Variants in FANK1 observed in about 807,000 individuals in gnomAD.
FANK1 encodes fibronectin type 3 and ankyrin repeat domains protein 1.
FANK1 carries 44 observed loss-of-function variants against 45.3 expected under a neutral mutation model. That is an observed-to-expected ratio of 0.97 (90% CI 0.76 to 1.25). The LOEUF is 1.25. Ranked by LOEUF, FANK1 falls within the 50% of genes most tolerant of loss-of-function variation. FANK1 has a pLI of 0.00. For missense variants in FANK1, 391 were observed against 424.4 expected (o/e 0.92, Z 0.69); for synonymous variants, 149 against 152.5 (o/e 0.98, Z 0.17).
intron 1 of FANK1, among the ~76,000 whole-genome samples, chr10:125,970,631 G>T (rs1460575422): frequency 6.6e-6 from 1 of 152,180 alleles, no homozygotes; most frequent in Non-Finnish European, 1.5e-5. Context: ...GGGCCAACAC[G>T]GCGAAACCCC....
At chr10:125,997,365 G>T in intron 5 of FANK1, 55 bp from the exon 6 acceptor site, 2 of 1,450,274 alleles carry the variant, frequency 1.4e-6, no homozygotes, top group Admixed American at 1.7e-5. Flanking sequence ...GACTATTGTG[G>T]GTTCTGAGTG....
At chr10:125,900,945 C>T (rs948476133) in intron 1 of FANK1, among the ~76,000 whole-genome samples, 3 of 152,092 alleles carry the variant, frequency 2.0e-5, no homozygotes, top group Non-Finnish European at 4.4e-5. Context: ...CCACTGTGCC[C>T]AGCCTTTTTC....
chr10:125,977,127 T>G (rs958336845), intron 1 of FANK1, among the ~76,000 whole-genome samples: 1 of 152,206 alleles, frequency 6.6e-6, no homozygotes, highest in Non-Finnish European at 1.5e-5. Context: ...TTACAAACTC[T>G]TATTGGAGAA....
chr10:125,982,472 T>A (rs568788202), intron 2 of FANK1, among the ~76,000 whole-genome samples: 26 of 152,258 alleles, frequency 1.7e-4, no homozygotes, highest in African/African-American at 2.4e-5. Flanking sequence ...TGCCTGCGTT[T>A]CTCACAGAAT....
intron 1 of FANK1, among the ~76,000 whole-genome samples, chr10:125,964,614 T>A (rs1466769668): frequency 7.2e-5 from 11 of 152,356 alleles, no homozygotes; most frequent in Non-Finnish European, 4.4e-5. Context: ...TTAACTGCTA[T>A]ATGGTATGCT....
intron 1 of FANK1, among the ~76,000 whole-genome samples, chr10:125,950,314 T>A (rs1444573815): frequency 6.7e-6 from 1 of 149,136 alleles, no homozygotes; most frequent in Non-Finnish European, 1.5e-5. Flanking sequence ...GAAACTACCA[T>A]CAGAGTGAAC....
chr10:126,009,387 A>T lies in FANK1; in HGVS notation c.987A>T (p.Leu329Phe). 2 of 1,613,966 alleles carry T rather than the reference A, an allele frequency of 1.2e-6. No homozygotes were observed. Among genetic ancestry groups the T allele is most frequent in the Non-Finnish European group, 1.7e-6 (2 of 1,179,982 alleles). Residue 329 changes from leucine (L) to phenylalanine (F), a missense_variant, in exon 11 of 11, where the codon TTA becomes TTT. Physicochemically the swap from Leu to Phe is conservative, Grantham distance 22 (BLOSUM62 0). Coordinates refer to ENST00000368693, the MANE Select transcript of FANK1 (RefSeq NM_145235.5). ...RVFDRQSVVS[L>F]LEERKKKQRP... ...TGTTTATCTAGAGTGTAGTCTCCTT[A>T]TTAGAAGAAAGGAAAAAAAAGCAGA...
At chr10:125,911,690 C>T (rs1946024880) in intron 1 of FANK1, among the ~76,000 whole-genome samples, 1 of 152,218 alleles carries the variant, frequency 6.6e-6, no homozygotes, top group Non-Finnish European at 1.5e-5. Flanking sequence ...CTCCTCAACT[C>T]AATGTGTTAC....
At chr10:126,006,870 A>G (rs1189328051) in intron 7 of FANK1, among the ~76,000 whole-genome samples, 1 of 152,082 alleles carries the variant, frequency 6.6e-6, no homozygotes, top group East Asian at 1.9e-4. Flanking sequence ...AAATAAATAA[A>G]TCATTCACAA....
intron 7 of FANK1, among the ~76,000 whole-genome samples, chr10:126,005,411 G>A (rs1438184069): frequency 6.6e-6 from 1 of 151,224 alleles, no homozygotes; most frequent in African/African-American, 2.4e-5. Flanking sequence ...AGGTTCAAGC[G>A]ATTCTCCTGC....
At chr10:125,970,100 C>T (rs1371525678) in intron 1 of FANK1, among the ~76,000 whole-genome samples, 17 of 152,190 alleles carry the variant, frequency 1.1e-4, no homozygotes, top group East Asian at 7.7e-4. Flanking sequence ...TCGACAAAAC[C>T]GCCATCGTCA....
At chr10:125,919,969 G>C (rs1358729572) in intron 1 of FANK1, among the ~76,000 whole-genome samples, 1 of 152,184 alleles carries the variant, frequency 6.6e-6, no homozygotes, top group African/African-American at 2.4e-5. Flanking sequence ...ATGATGAGTA[G>C]AAGATAGGTT....
chr10:125,897,153 G>A (rs562403015), intron 1 of FANK1, among the ~76,000 whole-genome samples: 271 of 13,212 alleles, frequency 0.021, no homozygotes, highest in African/African-American at 0.048. Flanking sequence ...GCGACTTGAA[G>A]GAGAGAGAGA....
intron 1 of FANK1, among the ~76,000 whole-genome samples, chr10:125,950,094 A>T (rs1488359467): frequency 3.5e-5 from 5 of 144,264 alleles, no homozygotes; most frequent in Non-Finnish European, 6.1e-5. Context: ...TCCCTTCCTT[A>T]CACCTTATAC....
intron 1 of FANK1, among the ~76,000 whole-genome samples, chr10:125,933,513 T>A (rs1259778991): frequency 6.6e-6 from 1 of 152,126 alleles, no homozygotes; most frequent in East Asian, 1.9e-4. Flanking sequence ...TTGTCTGGAT[T>A]TTCTCTCTTC....
intron 1 of FANK1, among the ~76,000 whole-genome samples, chr10:125,970,457 A>C (rs1950440609): frequency 6.6e-6 from 1 of 152,294 alleles, no homozygotes; most frequent in East Asian, 1.9e-4. Context: ...CAATCTCCGC[A>C]CTTTGGGAGG....
chr10:125,898,928 T>C (rs1944806187), intron 1 of FANK1, among the ~76,000 whole-genome samples: 1 of 149,374 alleles, frequency 6.7e-6, no homozygotes, highest in Admixed American at 6.7e-5. Flanking sequence ...AGGGTCTTGC[T>C]CTGTCACCCA....
intron 1 of FANK1, among the ~76,000 whole-genome samples, chr10:125,908,511 A>T (rs1945725189): frequency 6.6e-6 from 1 of 152,202 alleles, no homozygotes; most frequent in South Asian, 2.1e-4. Context: ...TGGAAAACCG[A>T]ATATCATATG....
At chr10:125,935,169 T>G (rs943283208) in intron 1 of FANK1, among the ~76,000 whole-genome samples, 4 of 152,312 alleles carry the variant, frequency 2.6e-5, no homozygotes, top group South Asian at 4.1e-4. Flanking sequence ...AGTCAGCCTA[T>G]TTTTGTATTT....
Sources: allele counts gnomAD v4.1 joint callset (sites outside exome capture counted in the v4.1 genomes callset), GRCh38; gene constraint gnomAD v4.1.1; transcripts MANE v1.5; gene names NCBI Gene and HGNC (gene_info 2026-07-23, HGNC 2026-07-21).